The following DLG2 variants were observed in gnomAD, a reference collection of about 807,000 sequenced individuals.
DLG2 encodes the protein disks large homolog 2.
A neutral mutation model predicts 132.5 loss-of-function variants in DLG2; 45 were observed. That is an observed-to-expected ratio of 0.34 (90% CI 0.27 to 0.44). DLG2 has a LOEUF of 0.44. Among genes scored for constraint, DLG2 ranks in the 20% least tolerant of loss-of-function variants. The pLI is 1.00. For synonymous variants in DLG2, 424 were observed against 419.6 expected (o/e 1.01, Z -0.13); for missense variants, 1,045 against 1,196.9 (o/e 0.87, Z 1.87).
In DLG2 at chr11:84,184,419, GT is replaced by G. The variant is rs546815331; in HGVS notation, c.574-20909del. Reference sequence around the variant, plus strand: ...ATATCCTTCGCCCACTTTTTGATGAGTTTTTTTTTCTTGTAAATTTGTTTGA... The same window carrying G: ...ATATCCTTCGCCCACTTTTTGATGAGTTTTTTTTCTTGTAAATTTGTTTGA... On this transcript the variant is annotated intron_variant, in intron 8 of 27. Transcript: ENST00000376104. Among the ~76,000 whole-genome samples the G allele has an allele frequency of 1.6e-4, 24 of 150,976 alleles. No individual in the cohort carries two copies. In the East Asian group the frequency reaches 2.1e-3, roughly 13 times the overall value.
intron 18 of DLG2, among the ~76,000 whole-genome samples, chr11:83,700,121 T>C (rs1204150447): frequency 6.6e-6 from 1 of 152,030 alleles, no homozygotes; most frequent in Non-Finnish European, 1.5e-5. Context: ...ATTTAAATAA[T>C]AAAATTAGGA....
intron 16 of DLG2, among the ~76,000 whole-genome samples, chr11:83,861,784 A>G (rs2061500246): frequency 6.6e-6 from 1 of 152,194 alleles, no homozygotes; most frequent in African/African-American, 2.4e-5. Flanking sequence ...TAAAATAAAT[A>G]GAAAGAATGA....
intron 6 of DLG2, among the ~76,000 whole-genome samples, chr11:84,655,608 CAGA>C (rs1480325918): frequency 1.1e-4 from 16 of 152,200 alleles, no homozygotes; most frequent in African/African-American, 3.4e-4. Context: ...GAATGAAAGC[CAGA>C]AGATCTGGGT....
At chr11:83,554,700 G>A (rs1170018187) in intron 19 of DLG2, among the ~76,000 whole-genome samples, 6 of 152,186 alleles carry the variant, frequency 3.9e-5, no homozygotes, top group African/African-American at 1.2e-4. Flanking sequence ...GGAGCTTGGA[G>A]CAGAAGATGT....
chr11:84,508,997 T>C (rs1237502215), intron 7 of DLG2, among the ~76,000 whole-genome samples: 1 of 152,216 alleles, frequency 6.6e-6, no homozygotes, highest in Non-Finnish European at 1.5e-5. Flanking sequence ...GAAATAAATA[T>C]TTTAAATACA....
chr11:85,090,956 A>G (rs1249659708), intron 6 of DLG2, among the ~76,000 whole-genome samples: 2 of 152,234 alleles, frequency 1.3e-5, no homozygotes, highest in Non-Finnish European at 1.5e-5. Context: ...CACAGAGATC[A>G]TATGGTGAAA....
chr11:83,698,934 T>C (rs1322031057), intron 18 of DLG2, among the ~76,000 whole-genome samples: 1 of 152,182 alleles, frequency 6.6e-6, no homozygotes, highest in Non-Finnish European at 1.5e-5. Context: ...TCAGTAGCTT[T>C]TGCTGCATTC....
intron 15 of DLG2, among the ~76,000 whole-genome samples, chr11:83,905,161 T>C (rs11233799): frequency 0.096 from 14,668 of 152,212 alleles, 832 homozygotes; most frequent in Middle Eastern, 0.2. Context: ...GTACTAAGCA[T>C]ATTACATGTC....
intron 18 of DLG2, among the ~76,000 whole-genome samples, chr11:83,765,426 T>C (rs1251038080): frequency 6.6e-6 from 1 of 152,238 alleles, no homozygotes; most frequent in Non-Finnish European, 1.5e-5. Flanking sequence ...TAAAATTCCA[T>C]ACTATAAATA....
At chr11:84,566,833 A>G (rs1165198855) in intron 6 of DLG2, among the ~76,000 whole-genome samples, 2 of 152,320 alleles carry the variant, frequency 1.3e-5, no homozygotes, top group East Asian at 1.9e-4. Context: ...CTGTACTATA[A>G]AAAACCCTGA....
chr11:83,811,650 GAAGTTTAA>G (rs2047320941), intron 17 of DLG2, among the ~76,000 whole-genome samples: 1 of 151,998 alleles, frequency 6.6e-6, no homozygotes, highest in Non-Finnish European at 1.5e-5. Flanking sequence ...ATAGTTTTAG[GAAGTTTAA>G]ATTTGAGTTA....
At chr11:84,673,346 G>A (rs555692816) in intron 6 of DLG2, among the ~76,000 whole-genome samples, 3 of 152,102 alleles carry the variant, frequency 2.0e-5, no homozygotes, top group South Asian at 2.1e-4. Context: ...AATTTAGAGC[G>A]GTAGCATGGT....
chr11:84,911,131 T>C (rs535203384), intron 6 of DLG2, among the ~76,000 whole-genome samples: 4 of 152,270 alleles, frequency 2.6e-5, no homozygotes, highest in Admixed American at 6.5e-5. Flanking sequence ...ACATGTTATA[T>C]TGTTTATGCT....
intron 4 of DLG2, among the ~76,000 whole-genome samples, chr11:85,189,425 C>T (rs1315597719): frequency 2.0e-5 from 3 of 152,172 alleles, no homozygotes; most frequent in African/African-American, 2.4e-5. Context: ...TAAAACAACA[C>T]ACTATTGATA....
chr11:83,725,393 G>C (rs908596866), intron 18 of DLG2: 1 of 154,234 alleles, frequency 6.5e-6, no homozygotes, highest in African/African-American at 2.4e-5. Context: ...TATTCACAGC[G>C]TAGTGTTAAT....
chr11:83,826,669 T>C (rs1003324144), intron 17 of DLG2, among the ~76,000 whole-genome samples: 7 of 152,172 alleles, frequency 4.6e-5, no homozygotes, highest in Non-Finnish European at 1.0e-4. Context: ...CTCCACTTAG[T>C]TGGATTTCAC....
intron 9 of DLG2, among the ~76,000 whole-genome samples, chr11:84,117,474 C>T (rs930277646): frequency 1.3e-5 from 2 of 152,190 alleles, no homozygotes; most frequent in Non-Finnish European, 2.9e-5. Context: ...TCCCTTCATT[C>T]CTCCTCCCAA....
chr11:83,943,379 C>T (rs938480690), intron 14 of DLG2, among the ~76,000 whole-genome samples: 3 of 152,178 alleles, frequency 2.0e-5, no homozygotes, highest in Non-Finnish European at 4.4e-5. Context: ...CATTCTTAAC[C>T]CAGAAACAGA....
At chr11:83,752,783 G>C (rs966674396) in intron 18 of DLG2, among the ~76,000 whole-genome samples, 2 of 152,178 alleles carry the variant, frequency 1.3e-5, no homozygotes, top group Non-Finnish European at 2.9e-5. Flanking sequence ...CTGAATTAAT[G>C]TCACCTGGAA....
Sources: allele counts gnomAD v4.1 joint callset (sites outside exome capture counted in the v4.1 genomes callset), GRCh38; gene constraint gnomAD v4.1.1; transcripts MANE v1.5; gene names NCBI Gene and HGNC (gene_info 2026-07-23, HGNC 2026-07-21).